Variants in STRIP2 observed in about 807,000 individuals in gnomAD.
The protein encoded by STRIP2 is striatin interacting protein 2.
Under a neutral mutation model 107.1 loss-of-function variants are expected in STRIP2, and 84 were observed. That is an observed-to-expected ratio of 0.78 (90% CI 0.66 to 0.94). The LOEUF (loss-of-function observed/expected upper bound fraction) is 0.94. Ranked by LOEUF, STRIP2 falls within the 40% of genes least tolerant of loss-of-function variation. The pLI is 0.00. For missense variants in STRIP2, 888 were observed against 1,034.2 expected (o/e 0.86, Z 1.94); for synonymous variants, 394 against 400.4 (o/e 0.98, Z 0.19).
intron 19 of STRIP2, among the ~76,000 whole-genome samples, chr7:129,481,291 G>A (rs934003049): frequency 6.6e-6 from 1 of 152,036 alleles, no homozygotes; most frequent in African/African-American, 2.4e-5. Context: ...AAGGTCAGGA[G>A]TTCGAGACCA....
chr7:129,444,230 A>G lies in STRIP2; in HGVS notation c.274+132A>G, dbSNP rs768417342. The G allele has an allele frequency of 2.9e-5, 18 of 629,660 alleles. 1 individual carries two copies. The highest frequency in any genetic ancestry group is 6.1e-5 in the Admixed American group (2 of 32,758). The allele number at this position is 629,660 out of a possible 1,614,324, so 39.0% of individuals were successfully genotyped here. ...TTAGTTAGGGTTCTCTTAGAGGGAT[A>G]GAACTAATATGATAAATAGATAGAT... On this transcript the variant is annotated intron_variant, in intron 3 of 20. Transcript: ENST00000249344.
intron 1 of STRIP2, among the ~76,000 whole-genome samples, chr7:129,437,242 G>A (rs1797765560): frequency 6.6e-6 from 1 of 151,914 alleles, no homozygotes; most frequent in African/African-American, 2.4e-5. Flanking sequence ...TTCGAGACAA[G>A]CCTGGGAAAT....
At chr7:129,465,193 GT>G (rs1309508008) in intron 16 of STRIP2, among the ~76,000 whole-genome samples, 2 of 152,132 alleles carry the variant, frequency 1.3e-5, no homozygotes, top group Admixed American at 1.3e-4. Flanking sequence ...AGATATATAA[GT>G]AGCCAATTAT....
chr7:129,477,968 TG>T, intron 18 of STRIP2: 2 of 516,056 alleles, frequency 3.9e-6, no homozygotes. Context: ...AGGAATATTG[TG>T]GGGATTTGAT....
chr7:129,440,204 G>A (rs1417729195), intron 2 of STRIP2, 113 bp downstream of exon 2: 12 of 847,130 alleles, frequency 1.4e-5, no homozygotes, highest in Non-Finnish European at 2.4e-5. Context: ...TTGAACAAAG[G>A]CTGTTCTCCA....
intron 16 of STRIP2, among the ~76,000 whole-genome samples, chr7:129,466,729 G>A (rs13221778): frequency 0.23 from 34,713 of 152,086 alleles, 4,388 homozygotes; most frequent in Non-Finnish European, 0.28. Context: ...AGACTTCTCA[G>A]TGCAGTATCT....
At chr7:129,477,198 G>GGGGGA (rs1413793045) in intron 18 of STRIP2, among the ~76,000 whole-genome samples, 11 of 100,338 alleles carry the variant, frequency 1.1e-4, no homozygotes, top group African/African-American at 3.0e-4. Context: ...GGGAGAGGGA[G>GGGGGA]GGGGAGGGGG....
intron 3 of STRIP2, among the ~76,000 whole-genome samples, chr7:129,445,036 C>G (rs1797998337): frequency 6.6e-6 from 1 of 152,180 alleles, no homozygotes; most frequent in African/African-American, 2.4e-5. Context: ...ATTCCCTTTG[C>G]ATTCAGCAAG....
chr7:129,455,126 C>G (rs1798307586), intron 7 of STRIP2, 118 bp from the exon 8 acceptor site: 1 of 1,264,706 alleles, frequency 7.9e-7, no homozygotes, highest in South Asian at 1.6e-5. Context: ...ACCAAGTACT[C>G]TGGTATTCTT....
intron 7 of STRIP2, 63 bp downstream of exon 7, chr7:129,454,590 T>A: frequency 9.5e-7 from 1 of 1,056,304 alleles, no homozygotes; most frequent in South Asian, 1.3e-5. Flanking sequence ...AAGCAGAGCA[T>A]CTGCCTAGGA....
rs1425001431 is a variant in STRIP2 at position 129,460,359 on chromosome 7, G to A, written c.1463G>A (p.Cys488Tyr). 1 of 1,613,840 alleles carries A rather than the reference G, an allele frequency of 6.2e-7. No individual in the cohort carries two copies. Residue 488 changes from cysteine to tyrosine, a missense_variant, in exon 13 of 21, where the codon TGC becomes TAC. Physicochemically the swap from Cys to Tyr is radical, Grantham distance 194. Transcript: ENST00000249344. ...QIKNEEELEK[C>Y]PMSLGEEVVP... ...AAGAATGAAGAGGAGCTGGAGAAGT[G>A]CCCTATGTCTTTGGTGAGCCAAGGA...
At position 129,453,418 on chromosome 7, in the gene STRIP2, G is replaced by A. The variant is rs1798253064; in HGVS notation, c.530+71G>A. On this transcript the variant is annotated intron_variant, in intron 5 of 20. Coordinates refer to ENST00000249344, the MANE Select transcript of STRIP2 (RefSeq NM_020704.3). ...TTAAAGGGGCCTCATGTTCTATGCT[G>A]CTTCCCTCACTATAGAGACCCCCTG... is the stretch of plus-strand genomic sequence containing the variant. 6.3e-6 allele frequency: 10 copies of A among 1,587,860 alleles called. No individual in the cohort carries two copies. In the South Asian group the frequency reaches 1.2e-4, roughly 18 times the overall value.
chr7:129,454,442 C>T lies in STRIP2; in HGVS notation c.621C>T (p.Tyr207=), dbSNP rs1798284121. 1.3e-5 allele frequency: 21 copies of T among 1,613,804 alleles called. No individual in the cohort carries two copies. Among genetic ancestry groups the T allele is most frequent in the Non-Finnish European group, 1.8e-5 (21 of 1,179,878 alleles). Residue 207 remains tyrosine, a synonymous_variant, in exon 7 of 21, where the codon TAC becomes TAT. Coordinates refer to ENST00000249344, the MANE Select transcript of STRIP2 (RefSeq NM_020704.3). ...TELRVLLSVM[Y]LMVENIRLER... is the part of the protein sequence containing the mutation. ...CCAGGGTGCTGCTGAGTGTTATGTA[C>T]CTAATGGTGGAAAATATTCGCCTGG...
At chr7:129,449,589 G>A (rs777227243) in intron 3 of STRIP2, among the ~76,000 whole-genome samples, 2 of 152,140 alleles carry the variant, frequency 1.3e-5, no homozygotes, top group South Asian at 2.1e-4. Flanking sequence ...GGCAAAAAAG[G>A]TTCATCAGAG....
intron 1 of STRIP2, among the ~76,000 whole-genome samples, chr7:129,435,198 G>A (rs1039212446): frequency 5.9e-5 from 9 of 152,248 alleles, no homozygotes; most frequent in African/African-American, 1.9e-4. Context: ...ACGGGATTCA[G>A]GCAGGGGCAG....
Position 129,453,671 on chromosome 7 carries a change from C to T in STRIP2, c.530+324C>T, listed in dbSNP as rs147314483. ...CTAACTCTGGAATTCAAGAGGGAAA[C>T]TATTTTGAATGCATGACCCAAGAAA... On this transcript the variant is annotated intron_variant, in intron 5 of 20. Coordinates refer to ENST00000249344, the MANE Select transcript of STRIP2 (RefSeq NM_020704.3). Among the ~76,000 whole-genome samples the T allele has an allele frequency of 8.8e-3, 1,343 of 152,282 alleles. 12 individuals carry two copies. The highest frequency in any genetic ancestry group is 0.02 in the Admixed American group (305 of 15,300).
chr7:129,485,995 A>G lies in STRIP2; in HGVS notation c.*166A>G, dbSNP rs1799237857. 1 of 728,386 alleles carries G rather than the reference A, an allele frequency of 1.4e-6. No homozygotes were observed. Among genetic ancestry groups the G allele is most frequent in the Non-Finnish European group, 2.2e-6 (1 of 455,384 alleles). 45.1% of individuals were successfully genotyped at this position (728,386 alleles called of 1,614,324 possible). A position where few individuals can be genotyped will look rare whatever the true frequency, so the allele number is the denominator to read the frequency against. On this transcript the variant is annotated 3_prime_UTR_variant, in exon 21 of 21. Transcript: ENST00000249344. Reference sequence around the variant, plus strand: ...ATCCTGAATCACAATAAAATGATCAACTTGCCCTGGGGTCAGTTGGGTGCC... The same window carrying G: ...ATCCTGAATCACAATAAAATGATCAGCTTGCCCTGGGGTCAGTTGGGTGCC...
chr7:129,458,756 T>G lies in STRIP2; in HGVS notation c.1319T>G (p.Phe440Cys), dbSNP rs1232678317. 6.2e-7 allele frequency: 1 copy of G among 1,614,170 alleles called. No homozygotes were observed. Among genetic ancestry groups the G allele is most frequent in the Non-Finnish European group, 8.5e-7 (1 of 1,180,030 alleles). ...TTCTTGGAGATGAGCAGGAACAAGT[T>G]CATCGGATTCACCCTGGGGCAGTAA... ...EHFLEMSRNKFIGFTLGQDTD... is the reference protein window; with the variant it reads ...EHFLEMSRNKCIGFTLGQDTD... Residue 440 changes from phenylalanine (F) to cysteine (C), a missense_variant, in exon 11 of 21, where the codon TTC becomes TGC. By Grantham distance (205) the Phe-to-Cys change is radical. Transcript: ENST00000249344. This position sits in a 1 kb window ranked among gnomAD's most constrained non-coding sequence, Gnocchi z 4.6.
chr7:129,444,610 A>G (rs1405514329), intron 3 of STRIP2, among the ~76,000 whole-genome samples: 1 of 152,184 alleles, frequency 6.6e-6, no homozygotes, highest in African/African-American at 2.4e-5. Context: ...GTATCCTTCA[A>G]TCCAATCAAG....
Sources: gnomAD v4.1 joint callset for allele counts (sites outside exome capture counted in the v4.1 genomes callset) on GRCh38, gnomAD v4.1.1 for gene constraint, Gnocchi (gnomAD v3.1) non-coding constraint, MANE v1.5 for transcripts, NCBI Gene and HGNC (gene_info 2026-07-23, HGNC 2026-07-21) for gene names.